Variants in FANCD2 observed in about 807,000 individuals in gnomAD.
FANCD2 encodes the protein Fanconi anemia group D2 protein.
In FANCD2, 131 loss-of-function variants were observed where a neutral mutation model predicts 192.3. The ratio of observed to expected loss-of-function variants is 0.68; its 90% confidence interval spans 0.59 to 0.79. FANCD2 has a LOEUF of 0.79. Among genes scored for constraint, FANCD2 ranks in the 30% least tolerant of loss-of-function variants. FANCD2 has a pLI of 0.00. For missense variants in FANCD2, 1,508 were observed against 1,701.6 expected (o/e 0.89, Z 2.00); for synonymous variants, 524 against 612.5 (o/e 0.86, Z 2.13).
intron 2 of FANCD2, 82 bp downstream of exon 2, chr3:10,028,803 G>A: frequency 8.6e-7 from 1 of 1,163,322 alleles, no homozygotes; most frequent in Non-Finnish European, 1.3e-6. Flanking sequence ...TGCTTTTCAA[G>A]TGCTGAGAAT....
At chr3:10,042,098 A>G (rs1360934263) in intron 10 of FANCD2, among the ~76,000 whole-genome samples, 1 of 152,004 alleles carries the variant, frequency 6.6e-6, no homozygotes, top group South Asian at 2.1e-4. Context: ...GGGTTTCACC[A>G]TATTGTCCAG....
chr3:10,071,892 C>T (rs542354866), intron 26 of FANCD2, among the ~76,000 whole-genome samples: 5 of 151,086 alleles, frequency 3.3e-5, no homozygotes, highest in African/African-American at 9.7e-5. Flanking sequence ...CCTGAGTAGC[C>T]GGGACTAGAA....
At chr3:10,046,212 C>G (rs912756283) in intron 14 of FANCD2, among the ~76,000 whole-genome samples, 5 of 151,958 alleles carry the variant, frequency 3.3e-5, no homozygotes, top group Admixed American at 1.3e-4. Context: ...TGCTGCCACA[C>G]CCGGCTAATT....
Position 10,031,258 on chromosome 3 carries a change from C to A in FANCD2, c.65-1574C>A, listed in dbSNP as rs950781515. Among the ~76,000 whole-genome samples, 27 of 152,274 alleles carry A rather than the reference C, an allele frequency of 1.8e-4. No homozygotes were observed. The South Asian group carries it at 3.5e-3, about 20-fold the overall frequency. Reference sequence around the variant, plus strand: ...GTGGCTCACGCCTGTAATCCCAGCACTTTGGGTGGCCAAGGCGGGCAGATC... The same window carrying A: ...GTGGCTCACGCCTGTAATCCCAGCAATTTGGGTGGCCAAGGCGGGCAGATC... On this transcript the variant is annotated intron_variant, in intron 2 of 43. Transcript: ENST00000675286.
At position 10,081,462 on chromosome 3, in the gene FANCD2, T is replaced by C. The variant is rs1238683323; in HGVS notation, c.3222T>C (p.Ala1074=). Residue 1074 remains alanine, a splice_region_variant and synonymous_variant, in exon 32 of 44, where the codon GCT becomes GCC. Transcript: ENST00000675286. ...TGCAGATTTTTCATGGGCTTTTTGC[T>C]TGGTAAGTATGTGGGAAGTGTGGAG... ...RLLQIFHGLF[A]WSGFSQPENQ... 3 of 1,603,194 alleles carry C rather than the reference T, an allele frequency of 1.9e-6. No homozygotes were observed. Among genetic ancestry groups the C allele is most frequent in the Non-Finnish European group, 2.6e-6 (3 of 1,170,006 alleles).
intron 34 of FANCD2, 50 bp from the exon 35 acceptor site, chr3:10,088,399 A>T (rs138189159): frequency 1.2e-4 from 132 of 1,097,554 alleles, no homozygotes; most frequent in Admixed American, 2.4e-4. Flanking sequence ...AAAAGCAAGA[A>T]TGAGGTCAAG....
chr3:10,039,804 C>T lies in FANCD2; in HGVS notation c.654C>T (p.Ile218=). Residue 218 remains isoleucine (I), a synonymous_variant, in exon 9 of 44, where the codon ATC becomes ATT. Transcript: ENST00000675286. Reference sequence around the variant, plus strand: ...ACATCATCACCAGCCTACCTGAGATCCTAGGGGATTCCCAGCACGCTGATG... The same window carrying T: ...ACATCATCACCAGCCTACCTGAGATTCTAGGGGATTCCCAGCACGCTGATG... ...QHDIITSLPE[I]LGDSQHADVG... is the part of the protein sequence containing the mutation. 1 of 1,613,902 alleles carries T rather than the reference C, an allele frequency of 6.2e-7. No individual in the cohort carries two copies. Among genetic ancestry groups the T allele is most frequent in the Non-Finnish European group, 8.5e-7 (1 of 1,179,996 alleles).
chr3:10,087,807 C>T lies in FANCD2; in HGVS notation c.3466+543C>T, dbSNP rs181226647. Among the ~76,000 whole-genome samples the T allele has an allele frequency of 1.7e-4, 26 of 152,234 alleles. No individual in the cohort carries two copies. In the East Asian group the frequency reaches 5.0e-3, roughly 29 times the overall value. On this transcript the variant is annotated intron_variant, in intron 34 of 43. Transcript: ENST00000675286. ...GGGATTACAGGTGCGCACCACCGTG[C>T]CCAGCCAATTTTTGTATTTTTAGTG...
intron 4 of FANCD2, 56 bp downstream of exon 4, chr3:10,034,592 A>C (rs2086684937): frequency 6.5e-7 from 1 of 1,529,556 alleles, no homozygotes; most frequent in East Asian, 2.2e-5. Context: ...TAGAATTTGG[A>C]ATTTAAGGAC....
chr3:10,089,220 G>A (rs1694430049), intron 36 of FANCD2, among the ~76,000 whole-genome samples: 1 of 151,968 alleles, frequency 6.6e-6, no homozygotes, highest in African/African-American at 2.4e-5. Flanking sequence ...GGGAGGCGGA[G>A]GTTGCAGTGA....
intron 11 of FANCD2, 96 bp from the exon 12 acceptor site, chr3:10,042,954 C>T: frequency 2.7e-6 from 3 of 1,124,640 alleles, no homozygotes; most frequent in Admixed American, 1.9e-5. Context: ...TTTTTTCTTC[C>T]TCAGTCTTTC....
rs150134181 is a variant in FANCD2 at position 10,077,163 on chromosome 3, G to A, written c.2860-918G>A. ...TGGGACCATCACTTGAGTCCAGGAGGTTGAGGCTGCAGTGAGCTGTGAACA... is the reference window on the plus strand; with the variant it reads ...TGGGACCATCACTTGAGTCCAGGAGATTGAGGCTGCAGTGAGCTGTGAACA... On this transcript the variant is annotated intron_variant, in intron 29 of 43. Transcript: ENST00000675286. Among the ~76,000 whole-genome samples the A allele has an allele frequency of 8.9e-3, 1,356 of 151,782 alleles. 11 individuals are homozygous for A. Among genetic ancestry groups the A allele is most frequent in the Non-Finnish European group, 0.013 (918 of 68,016 alleles).
At position 10,076,296 on chromosome 3, in the gene FANCD2, T is replaced by TTC. The variant is rs1553612914; in HGVS notation, c.2859+1623_2859+1624insTC. On this transcript the variant is annotated intron_variant, in intron 29 of 43. Coordinates refer to ENST00000675286, the MANE Select transcript of FANCD2 (RefSeq NM_001018115.3). ...CCCTTGAATTAGTCTTTTTTTTTTT[T>TTC]CCCAAACCCTGTGTGTGGCATTCAA... Among the ~76,000 whole-genome samples the TTC allele has an allele frequency of 7.9e-5, 12 of 151,854 alleles. No homozygotes were observed. The South Asian group carries it at 8.3e-4, about 11-fold the overall frequency.
intron 41 of FANCD2, 53 bp from the exon 42 acceptor site, chr3:10,096,273 T>C: frequency 6.3e-7 from 1 of 1,587,100 alleles, no homozygotes; most frequent in South Asian, 1.1e-5. Flanking sequence ...ATAAGAAATG[T>C]GAAGGCATGA....
intron 32 of FANCD2, 198 bp downstream of exon 32, chr3:10,081,662 T>TTA (rs1693845985): frequency 1.6e-6 from 1 of 613,616 alleles, no homozygotes; most frequent in African/African-American, 1.8e-5. Flanking sequence ...AGCCACTATG[T>TTA]TAACCCATTT....
At chr3:10,087,070 T>C (rs997255979) in intron 33 of FANCD2, 64 bp from the exon 34 acceptor site, 2 of 1,585,342 alleles carry the variant, frequency 1.3e-6, no homozygotes, top group Non-Finnish European at 1.7e-6. Context: ...GTCATGTGGA[T>C]TTAAATATAT....
At chr3:10,028,050 T>TAA (rs34136078) in intron 1 of FANCD2, among the ~76,000 whole-genome samples, 2 of 141,690 alleles carry the variant, frequency 1.4e-5, no homozygotes, top group Non-Finnish European at 1.5e-5. Context: ...CTGTCTCTAC[T>TAA]AAAAAAAAAA....
intron 34 of FANCD2, 50 bp downstream of exon 34, chr3:10,087,314 A>C: frequency 6.6e-7 from 1 of 1,524,748 alleles, no homozygotes; most frequent in Non-Finnish European, 8.9e-7. Flanking sequence ...GAATAGGACT[A>C]ATATCTCACA....
At chr3:10,051,412 AAGGAGT>A (rs1354458636) in intron 17 of FANCD2, among the ~76,000 whole-genome samples, 888 of 11,366 alleles carry the variant, frequency 0.078, 198 homozygotes, top group African/African-American at 0.34. Flanking sequence ...AAAAAACAAA[AAGGAGT>A]GAGGGATTTA....
Sources: allele counts gnomAD v4.1 joint callset (sites outside exome capture counted in the v4.1 genomes callset), GRCh38; gene constraint gnomAD v4.1.1; transcripts MANE v1.5; gene names NCBI Gene and HGNC (gene_info 2026-07-23, HGNC 2026-07-21).